Variants in PALM2AKAP2 observed in about 807,000 individuals in gnomAD.
The protein encoded by PALM2AKAP2 is PALM2 and AKAP2 fusion.
A neutral mutation model predicts 71.5 loss-of-function variants in PALM2AKAP2; 37 were observed. That is an observed-to-expected ratio of 0.52 (90% CI 0.40 to 0.68). The LOEUF (loss-of-function observed/expected upper bound fraction) is 0.68. PALM2AKAP2 is among the 30% of genes least tolerant of loss of function. The pLI is 0.00. For missense variants in PALM2AKAP2, 1,224 were observed against 1,191.8 expected, an observed-to-expected ratio of 1.03 and a Z score of -0.40; for synonymous variants, 468 against 478.8, an observed-to-expected ratio of 0.98 and a Z score of 0.29.
chr9:110,040,943 GTC>G (rs1362300198), intron 7 of PALM2AKAP2, among the ~76,000 whole-genome samples: 1 of 152,106 alleles, frequency 6.6e-6, no homozygotes, highest in South Asian at 2.1e-4. Context: ...GTTGTATGCT[GTC>G]TCTCTATTAC....
chr9:110,041,786 C>T (rs915966961), intron 7 of PALM2AKAP2, among the ~76,000 whole-genome samples: 2 of 152,228 alleles, frequency 1.3e-5, no homozygotes, highest in Non-Finnish European at 2.9e-5. Context: ...CAAGTAAGGG[C>T]GACTGTGTCC....
chr9:109,829,274 C>T (rs984737524), intron 1 of PALM2AKAP2, among the ~76,000 whole-genome samples: 1 of 152,200 alleles, frequency 6.6e-6, no homozygotes, highest in African/African-American at 2.4e-5. Context: ...AACCCCATGG[C>T]AACCTCTTCC....
intron 1 of PALM2AKAP2, among the ~76,000 whole-genome samples, chr9:109,726,464 G>C (rs936922147): frequency 1.3e-5 from 2 of 152,232 alleles, no homozygotes; most frequent in South Asian, 4.1e-4. Flanking sequence ...GTATGACTGG[G>C]ACTTCTCTGG....
chr9:109,871,762 C>T (rs1371736392), intron 2 of PALM2AKAP2, among the ~76,000 whole-genome samples: 1 of 152,076 alleles, frequency 6.6e-6, no homozygotes. Context: ...TTTTAATACC[C>T]ATACAAAAAC....
intron 3 of PALM2AKAP2, among the ~76,000 whole-genome samples, chr9:109,882,356 G>A (rs536105316): frequency 6.6e-6 from 1 of 152,318 alleles, no homozygotes; most frequent in African/African-American, 2.4e-5. Flanking sequence ...GTCCTCACAT[G>A]TCTTAAAGAG....
At chr9:109,972,638 C>T (rs904837704) in intron 6 of PALM2AKAP2, among the ~76,000 whole-genome samples, 2 of 152,172 alleles carry the variant, frequency 1.3e-5, no homozygotes, top group Non-Finnish European at 2.9e-5. Flanking sequence ...ACCCCTGCCA[C>T]TAGGGGCATA....
chr9:109,690,125 A>G (rs1476168487), intron 1 of PALM2AKAP2, among the ~76,000 whole-genome samples: 1 of 151,858 alleles, frequency 6.6e-6, no homozygotes. Context: ...TCCCATTCCC[A>G]TCCTCAGGAG....
chr9:109,875,036 C>T (rs1212879922), intron 2 of PALM2AKAP2, among the ~76,000 whole-genome samples: 1 of 152,218 alleles, frequency 6.6e-6, no homozygotes, highest in African/African-American at 2.4e-5. Context: ...ACAGCAAACT[C>T]CTTAACAAGG....
intron 3 of PALM2AKAP2, among the ~76,000 whole-genome samples, chr9:110,166,667 A>C (rs1169810823): frequency 6.6e-6 from 1 of 152,212 alleles, no homozygotes; most frequent in South Asian, 2.1e-4. Context: ...TTAACAATGC[A>C]TCATTCATTC....
intron 1 of PALM2AKAP2, among the ~76,000 whole-genome samples, chr9:110,080,716 T>A (rs1834431725): frequency 6.6e-6 from 1 of 152,228 alleles, no homozygotes; most frequent in Admixed American, 6.5e-5. Context: ...TCTCACTCCG[T>A]TGCCCACGCT....
intron 1 of PALM2AKAP2, among the ~76,000 whole-genome samples, chr9:109,791,473 A>C (rs1198014155): frequency 6.6e-6 from 1 of 152,142 alleles, no homozygotes; most frequent in Non-Finnish European, 1.5e-5. Context: ...AGCCTTTTCC[A>C]GCCTTCCTCC....
chr9:109,903,643 A>G (rs1363539113), intron 3 of PALM2AKAP2, among the ~76,000 whole-genome samples: 1 of 152,214 alleles, frequency 6.6e-6, no homozygotes, highest in Non-Finnish European at 1.5e-5. Flanking sequence ...ATACCAAATC[A>G]GCAGAATCAC....
intron 6 of PALM2AKAP2, among the ~76,000 whole-genome samples, chr9:109,941,145 CTTT>C (rs34635858): frequency 6.6e-5 from 7 of 106,276 alleles, no homozygotes; most frequent in East Asian, 2.7e-4. Flanking sequence ...TCTTCCTCTT[CTTT>C]TTTTTTTTTT....
At chr9:109,691,887 TATATATATATATATACAC>T (rs1564114925) in intron 1 of PALM2AKAP2, among the ~76,000 whole-genome samples, 7 of 68,592 alleles carry the variant, frequency 1.0e-4, no homozygotes, top group African/African-American at 3.5e-4. Context: ...CACACATATA[TATATATATATATATACAC>T]ACACACATAT....
chr9:110,020,403 C>A (rs571403304), intron 7 of PALM2AKAP2, among the ~76,000 whole-genome samples: 1 of 152,274 alleles, frequency 6.6e-6, no homozygotes, highest in South Asian at 2.1e-4. Context: ...TCTCTTCTGG[C>A]TGAGCATGGT....
chr9:109,914,092 G>A (rs888495442), intron 3 of PALM2AKAP2, among the ~76,000 whole-genome samples: 2 of 152,066 alleles, frequency 1.3e-5, no homozygotes, highest in African/African-American at 4.8e-5. Context: ...AAATCCACAG[G>A]TCTGCAGTTA....
At chr9:110,168,300 A>G (rs1227217235) in intron 3 of PALM2AKAP2, 99 bp from the exon 11 acceptor site, 3 of 1,434,772 alleles carry the variant, frequency 2.1e-6, no homozygotes, top group African/African-American at 2.9e-5. Flanking sequence ...TTCTCCTCTC[A>G]AGTTGATAAA....
chr9:110,139,683 CACTCTTCTCATTA>C (rs1434677068), intron 2 of PALM2AKAP2, among the ~76,000 whole-genome samples: 1 of 152,174 alleles, frequency 6.6e-6, no homozygotes, highest in Non-Finnish European at 1.5e-5. Flanking sequence ...GACTCAAGGT[CACTCTTCTCATTA>C]ACTTTTTAAA....
intron 1 of PALM2AKAP2, among the ~76,000 whole-genome samples, chr9:109,843,749 A>G (rs1257536261): frequency 6.6e-6 from 1 of 152,200 alleles, no homozygotes; most frequent in Non-Finnish European, 1.5e-5. Context: ...AACAAGGTGC[A>G]TCTCAAACTA....
Sources: gnomAD v4.1 joint callset for allele counts (sites outside exome capture counted in the v4.1 genomes callset) on GRCh38, gnomAD v4.1.1 for gene constraint, MANE v1.5 for transcripts, NCBI Gene and HGNC (gene_info 2026-07-23, HGNC 2026-07-21) for gene names.